The following CNGB1 variants were observed in gnomAD, a reference collection of about 807,000 sequenced individuals.
CNGB1 encodes cyclic nucleotide-gated channel beta-1.
CNGB1 carries 126 observed loss-of-function variants against 151.7 expected under a neutral mutation model. The ratio of observed to expected loss-of-function variants is 0.83; its 90% CI spans 0.72 to 0.96. The LOEUF (loss-of-function observed/expected upper bound fraction) is 0.96, where lower values mean the gene tolerates loss of function less well. Among genes scored for constraint, CNGB1 ranks in the 40% least tolerant of loss-of-function variants. The pLI, the probability that CNGB1 is intolerant of heterozygous loss-of-function variation, is 0.00. For missense variants in CNGB1, 1,698 were observed against 1,627.0 expected, an observed-to-expected ratio of 1.04 and a Z score of -0.75; for synonymous variants, 623 against 635.1, an observed-to-expected ratio of 0.98 and a Z score of 0.29.
At chr16:57,899,250 C>G (rs569258405) in intron 29 of CNGB1, among the ~76,000 whole-genome samples, 3 of 152,316 alleles carry the variant, frequency 2.0e-5, no homozygotes, top group African/African-American at 7.2e-5. Context: ...AATCCTCATG[C>G]CTTCACCGGC....
chr16:57,960,986 G>A (rs1392213352), intron 7 of CNGB1, 71 bp from the exon 8 acceptor site: 2 of 1,427,566 alleles, frequency 1.4e-6, no homozygotes, highest in Non-Finnish European at 9.8e-7. Context: ...CCACCTCGGG[G>A]CCAGGCCTCA....
intron 7 of CNGB1, among the ~76,000 whole-genome samples, chr16:57,961,775 G>T (rs564472604): frequency 2.6e-5 from 4 of 152,186 alleles, no homozygotes; most frequent in Non-Finnish European, 5.9e-5. Context: ...GGGCACCAAG[G>T]GTTCAGTAGT....
intron 23 of CNGB1, 47 bp from the exon 24 acceptor site, chr16:57,913,041 C>A: frequency 6.3e-7 from 1 of 1,593,598 alleles, no homozygotes; most frequent in Non-Finnish European, 8.6e-7. Flanking sequence ...CCATAGGTAG[C>A]ATGCTGCTCC....
intron 16 of CNGB1, among the ~76,000 whole-genome samples, chr16:57,935,045 CAAA>C (rs559447701): frequency 3.5e-5 from 4 of 113,514 alleles, no homozygotes; most frequent in Non-Finnish European, 3.7e-5. Flanking sequence ...GACTCCATCT[CAAA>C]AAAAAAAAAA....
rs571256227 is a variant in CNGB1 at position 57,909,869 on chromosome 16, G to A, written c.2492+1884C>T. Among the ~76,000 whole-genome samples the A allele has an allele frequency of 3.1e-4, 47 of 152,268 alleles. No homozygotes were observed. The South Asian group carries it at 3.1e-3, about 10-fold the overall frequency. On this transcript the variant is annotated intron_variant, in intron 25 of 32. Transcript: ENST00000251102. ...ATCCCAGCTCTGTAACTCATGAACC[G>A]TGTAACCTTGGGAACTCCCATCTGC...
At chr16:57,893,494 CTATT>C (rs1464431786) in intron 31 of CNGB1, among the ~76,000 whole-genome samples, 1 of 152,092 alleles carries the variant, frequency 6.6e-6, no homozygotes, top group Non-Finnish European at 1.5e-5. Context: ...TTCCTGCACA[CTATT>C]TAATTTTCAC....
In CNGB1 at chr16:57,959,997, G is replaced by C; in HGVS notation, c.652C>G (p.Pro218Ala). ...TCCTCCTTGGGCTGCAGGGGGATGG[G>C]TGTGGGCAGGGAGGGGGTCTCCCGG... ...QARETPSLPTPIPLQPKEEPK... is the reference protein window; with the variant it reads ...QARETPSLPTAIPLQPKEEPK... Residue 218 changes from proline to alanine, a missense_variant, in exon 10 of 33, where the codon CCC becomes GCC. By Grantham distance (27) the Pro-to-Ala change is conservative (BLOSUM62 -1). Transcript: ENST00000251102. 2 of 1,587,226 alleles carry C rather than the reference G, an allele frequency of 1.3e-6. No individual in the cohort carries two copies. Among genetic ancestry groups the C allele is most frequent in the Non-Finnish European group, 1.7e-6 (2 of 1,168,108 alleles).
intron 7 of CNGB1, among the ~76,000 whole-genome samples, chr16:57,961,780 A>C (rs1962263526): frequency 6.6e-6 from 1 of 152,234 alleles, no homozygotes; most frequent in South Asian, 2.1e-4. Flanking sequence ...CCAAGGGTTC[A>C]GTAGTGACCA....
At chr16:57,910,785 A>C (rs2149361583) in intron 25 of CNGB1, among the ~76,000 whole-genome samples, 1 of 150,952 alleles carries the variant, frequency 6.6e-6, no homozygotes. Flanking sequence ...AACCAATATA[A>C]ACCTTACATG....
At chr16:57,942,669 A>G (rs1961698834) in intron 14 of CNGB1, among the ~76,000 whole-genome samples, 1 of 152,028 alleles carries the variant, frequency 6.6e-6, no homozygotes, top group African/African-American at 2.4e-5. Context: ...GTTCGAGACC[A>G]GCCTGAACAA....
chr16:57,924,907 C>G (rs1218643460), intron 17 of CNGB1, among the ~76,000 whole-genome samples: 1 of 152,186 alleles, frequency 6.6e-6, no homozygotes, highest in African/African-American at 2.4e-5. Context: ...AGTACAAGCT[C>G]CCTGAGGCCT....
chr16:57,970,552 C>A (rs1352428105), intron 1 of CNGB1, among the ~76,000 whole-genome samples: 1 of 152,244 alleles, frequency 6.6e-6, no homozygotes, highest in East Asian at 1.9e-4. Context: ...GTGTTGGCCT[C>A]TTCCGCGGGC....
At chr16:57,902,477 T>A (rs186570336) in intron 27 of CNGB1, among the ~76,000 whole-genome samples, 344 of 152,198 alleles carry the variant, frequency 2.3e-3, no homozygotes, top group East Asian at 0.01. Flanking sequence ...CTAAAAAAAA[T>A]TTTTTTCTTT....
chr16:57,884,553 C>A (rs1959858964), intron 32 of CNGB1, 96 bp from the exon 33 acceptor site: 1 of 1,373,126 alleles, frequency 7.3e-7, no homozygotes, highest in South Asian at 1.2e-5. Context: ...TTTGGACCCC[C>A]AAAGAGGGCA....
Position 57,884,020 on chromosome 16 carries a change from A to C in CNGB1, c.*144T>G. On this transcript the variant is annotated 3_prime_UTR_variant, in exon 33 of 33. Transcript: ENST00000251102. ...GGGCTGGCGTGCTGGCGGGACGGTC[A>C]GAGCTGCAGCCACTGAGGTCACGAC... is the stretch of plus-strand genomic sequence containing the variant. 7 of 1,185,484 alleles carry C rather than the reference A, an allele frequency of 5.9e-6. No homozygotes were observed. Among genetic ancestry groups the C allele is most frequent in the Non-Finnish European group, 8.6e-6 (7 of 815,980 alleles). 73.4% of individuals were successfully genotyped at this position (1,185,484 alleles called of 1,614,324 possible). A position where few individuals can be genotyped will look rare whatever the true frequency, so the allele number is the denominator to read the frequency against.
chr16:57,903,021 C>T (rs1467950763), intron 27 of CNGB1, among the ~76,000 whole-genome samples: 1 of 152,070 alleles, frequency 6.6e-6, no homozygotes, highest in African/African-American at 2.4e-5. Context: ...AGGACCCCAA[C>T]CTGGCTGTGG....
intron 4 of CNGB1, 76 bp from the exon 5 acceptor site, chr16:57,963,140 G>A (rs974830123): frequency 1.9e-6 from 2 of 1,056,172 alleles, no homozygotes; most frequent in Admixed American, 1.7e-5. Context: ...AAGACACTAG[G>A]TGAGTCTCTG....
At chr16:57,964,570 A>T (rs1252045495) in intron 2 of CNGB1, 26 bp from the exon 3 acceptor site, 2 of 1,613,834 alleles carry the variant, frequency 1.2e-6, no homozygotes, top group South Asian at 2.2e-5. Context: ...AGGATCATGT[A>T]AGTCCTAGGT....
chr16:57,903,948 G>C lies in CNGB1; in HGVS notation c.2668C>G (p.Gln890Glu), dbSNP rs1389058948. 6.2e-7 allele frequency: 1 copy of C among 1,614,046 alleles called. No individual in the cohort carries two copies. Among genetic ancestry groups the C allele is most frequent in the Non-Finnish European group, 8.5e-7 (1 of 1,179,996 alleles). The change falls in exon 27 of 33, where the codon CAG (glutamine) becomes GAG (glutamate). Residue 890 changes from glutamine to glutamate, a missense_variant. Coordinates refer to ENST00000251102, the MANE Select transcript of CNGB1 (RefSeq NM_001297.5). ...TCCATGCAGCTGCGGTAGTAGGTCT[G>C]TCCGGCGGTGGCGGCCCCTACCACA... Reference protein sequence around the residue: ...RDVVGAATAGQTYYRSCMDST... With the variant: ...RDVVGAATAGETYYRSCMDST...
Sources: gnomAD v4.1 joint callset for allele counts (sites outside exome capture counted in the v4.1 genomes callset) on GRCh38, gnomAD v4.1.1 for gene constraint, MANE v1.5 for transcripts, NCBI Gene and HGNC (gene_info 2026-07-23, HGNC 2026-07-21) for gene names.